Variants in TENM3 observed in about 807,000 individuals in gnomAD.
TENM3 encodes the protein teneurin transmembrane protein 3.
Under a neutral mutation model 255.1 loss-of-function variants are expected in TENM3, and 63 were observed. The observed-to-expected ratio is 0.25, with a 90% CI of 0.20 to 0.30. TENM3 has a LOEUF of 0.30. Ranked by LOEUF, TENM3 falls within the 10% of genes least tolerant of loss-of-function variation. The pLI is 1.00. For synonymous variants in TENM3, 1,306 were observed against 1,322.3 expected (o/e 0.99, Z 0.27); for missense variants, 2,929 against 3,461.1 (o/e 0.85, Z 3.86).
At chr4:182,178,681 T>C (rs1752665519) in intron 1 of TENM3, among the ~76,000 whole-genome samples, 1 of 152,228 alleles carries the variant, frequency 6.6e-6, no homozygotes, top group African/African-American at 2.4e-5. Context: ...CTTACATAAT[T>C]GTTTCTTAAA....
At chr4:181,572,999 C>T in the TENM3 span, among the ~76,000 whole-genome samples, 1 of 151,856 alleles carries the variant, frequency 6.6e-6, no homozygotes, top group Non-Finnish European at 1.5e-5. Context: ...TGAAGTTTGT[C>T]TTCCTATGCC....
At chr4:181,872,190 G>A in the TENM3 span, among the ~76,000 whole-genome samples, 1 of 150,914 alleles carries the variant, frequency 6.6e-6, no homozygotes, top group South Asian at 2.1e-4. Context: ...ATGTAGGCTT[G>A]GAATTATCTT....
the TENM3 span, among the ~76,000 whole-genome samples, chr4:181,761,946 T>G: frequency 6.6e-6 from 1 of 152,222 alleles, no homozygotes; most frequent in Non-Finnish European, 1.5e-5. Flanking sequence ...ATAATGATTC[T>G]TTATAATAAT....
intron 1 of TENM3, among the ~76,000 whole-genome samples, chr4:182,160,678 G>A (rs1002700729): frequency 6.6e-6 from 1 of 152,180 alleles, no homozygotes; most frequent in Non-Finnish European, 1.5e-5. Flanking sequence ...ACCAGAGGCT[G>A]GGATGGGACA....
chr4:181,457,354 A>G, the TENM3 span, among the ~76,000 whole-genome samples: 5 of 151,832 alleles, frequency 3.3e-5, no homozygotes, highest in Non-Finnish European at 5.9e-5. Context: ...AGAGACATCA[A>G]TATGTTTCCC....
chr4:182,646,856 G>A (rs1254594566), intron 5 of TENM3, among the ~76,000 whole-genome samples: 1 of 152,196 alleles, frequency 6.6e-6, no homozygotes, highest in African/African-American at 2.4e-5. Context: ...GAGAAAAGAA[G>A]TGTGTGCTGA....
chr4:182,037,337 C>T, the TENM3 span, among the ~76,000 whole-genome samples: 1 of 151,940 alleles, frequency 6.6e-6, no homozygotes, highest in East Asian at 1.9e-4. Context: ...TTAGTAGAGA[C>T]GGGTTTCACC....
chr4:181,694,122 C>T, the TENM3 span, among the ~76,000 whole-genome samples: 2 of 151,972 alleles, frequency 1.3e-5, no homozygotes, highest in African/African-American at 4.8e-5. Context: ...TAGAACTGTG[C>T]CAAAACATGG....
chr4:181,725,153 C>T, the TENM3 span, among the ~76,000 whole-genome samples: 2 of 152,158 alleles, frequency 1.3e-5, no homozygotes, highest in Admixed American at 6.5e-5. Flanking sequence ...GTTCAGCATC[C>T]CTGGGCCTAC....
chr4:182,314,291 A>C (rs1043476224), intron 1 of TENM3, among the ~76,000 whole-genome samples: 2 of 149,246 alleles, frequency 1.3e-5, no homozygotes, highest in Non-Finnish European at 1.5e-5. Context: ...ACAGAGCGAG[A>C]CTCCGTCTCA....
intron 22 of TENM3, among the ~76,000 whole-genome samples, chr4:182,757,755 G>C (rs1402617856): frequency 6.6e-6 from 1 of 152,096 alleles, no homozygotes; most frequent in East Asian, 1.9e-4. Context: ...GGTTGGGTTG[G>C]CAAGCCAATC....
chr4:182,496,967 T>A (rs1462818375), intron 3 of TENM3, among the ~76,000 whole-genome samples: 1 of 152,108 alleles, frequency 6.6e-6, no homozygotes, highest in South Asian at 2.1e-4. Flanking sequence ...GTAGACTTAG[T>A]AGCATAAATA....
intron 1 of TENM3, among the ~76,000 whole-genome samples, chr4:182,192,322 T>C (rs368400157): frequency 3.9e-5 from 6 of 152,224 alleles, no homozygotes; most frequent in East Asian, 1.9e-4. Context: ...TTAAAACTTA[T>C]TTTCTTAGAT....
At chr4:182,392,347 T>G (rs1481115033) in intron 3 of TENM3, among the ~76,000 whole-genome samples, 2 of 152,214 alleles carry the variant, frequency 1.3e-5, no homozygotes, top group Non-Finnish European at 2.9e-5. Flanking sequence ...GTTGATTTAC[T>G]CACCATCTTT....
At chr4:181,770,732 G>T in the TENM3 span, among the ~76,000 whole-genome samples, 2 of 148,926 alleles carry the variant, frequency 1.3e-5, no homozygotes, top group African/African-American at 2.5e-5. Context: ...TTTTATCTTT[G>T]CACTCAAGAA....
chr4:181,794,187 A>AGT, the TENM3 span, among the ~76,000 whole-genome samples: 8 of 151,312 alleles, frequency 5.3e-5, no homozygotes, highest in African/African-American at 1.9e-4. Flanking sequence ...TATGGTGTAC[A>AGT]ATATATATAT....
chr4:182,223,608 T>C (rs1168602610), intron 1 of TENM3, among the ~76,000 whole-genome samples: 2 of 152,106 alleles, frequency 1.3e-5, no homozygotes, highest in Non-Finnish European at 2.9e-5. Flanking sequence ...AAGAAAACAG[T>C]GTTATCTCCT....
intron 1 of TENM3, among the ~76,000 whole-genome samples, chr4:182,236,382 A>G (rs1466177754): frequency 6.6e-6 from 1 of 152,190 alleles, no homozygotes; most frequent in Admixed American, 6.5e-5. Flanking sequence ...ATAAGAAATG[A>G]CAAACTAGAA....
chr4:181,640,349 G>A, the TENM3 span, among the ~76,000 whole-genome samples: 1 of 152,304 alleles, frequency 6.6e-6, no homozygotes, highest in African/African-American at 2.4e-5. Flanking sequence ...CAACTGGAAA[G>A]TGCAAAGGTA....
Sources: allele counts gnomAD v4.1 joint callset (sites outside exome capture counted in the v4.1 genomes callset), GRCh38; gene constraint gnomAD v4.1.1; transcripts MANE v1.5; gene names NCBI Gene and HGNC (gene_info 2026-07-23, HGNC 2026-07-21).